The following BANF2 variants were observed in gnomAD, a reference collection of about 807,000 sequenced individuals.
BANF2 encodes barrier-to-autointegration factor-like protein.
In BANF2, 4 loss-of-function variants were observed where a neutral mutation model predicts 8.0. The observed-to-expected ratio is 0.50, with a 90% CI of 0.25 to 1.14. The LOEUF (loss-of-function observed/expected upper bound fraction) is 1.14, where lower values mean the gene tolerates loss of function less well. Among genes scored for constraint, BANF2 ranks in the 50% most tolerant of loss-of-function variants. The pLI, the probability that BANF2 is intolerant of heterozygous loss-of-function variation, is 0.16. For missense variants in BANF2, 96 were observed against 107.5 expected, an observed-to-expected ratio of 0.89 and a Z score of 0.47; for synonymous variants, 50 against 40.6, an observed-to-expected ratio of 1.23 and a Z score of -0.88.
chr20:17,702,643 T>C (rs2037426269), intron 1 of BANF2, among the ~76,000 whole-genome samples: 1 of 152,150 alleles, frequency 6.6e-6, no homozygotes, highest in Non-Finnish European at 1.5e-5. Context: ...TGTGGATAAT[T>C]TGGACCCACT....
intron 1 of BANF2, among the ~76,000 whole-genome samples, chr20:17,704,613 C>A (rs2037455450): frequency 6.6e-6 from 1 of 152,262 alleles, no homozygotes; most frequent in Non-Finnish European, 1.5e-5. Context: ...CTCCCAAGCA[C>A]TTCTCATGCA....
chr20:17,703,995 G>A (rs1201427807), intron 1 of BANF2, among the ~76,000 whole-genome samples: 3 of 152,164 alleles, frequency 2.0e-5, no homozygotes, highest in East Asian at 1.9e-4. Context: ...CCTCTGCCTC[G>A]GCCTCACAAA....
upstream of BANF2, among the ~76,000 whole-genome samples, chr20:17,697,532 T>C (rs2037356249): frequency 6.6e-6 from 1 of 152,236 alleles, no homozygotes; most frequent in Non-Finnish European, 1.5e-5. Context: ...TCCATCTAAA[T>C]GTGAACTTAC....
chr20:17,715,021 A>G (rs1404078167), intron 1 of BANF2, among the ~76,000 whole-genome samples: 1 of 152,246 alleles, frequency 6.6e-6, no homozygotes, highest in Non-Finnish European at 1.5e-5. Flanking sequence ...AGGAACCAGA[A>G]GGATGAGGTC....
intron 1 of BANF2, among the ~76,000 whole-genome samples, chr20:17,711,910 G>A (rs903368979): frequency 3.9e-5 from 6 of 152,214 alleles, no homozygotes; most frequent in East Asian, 1.9e-4. Context: ...TCTCCAGGCC[G>A]TGTTAGAGAG....
intron 1 of BANF2, among the ~76,000 whole-genome samples, chr20:17,713,423 G>T (rs1403414731): frequency 6.6e-6 from 1 of 152,272 alleles, no homozygotes; most frequent in South Asian, 2.1e-4. Flanking sequence ...AATGGTGTTT[G>T]TCAGGGGCTA....
chr20:17,698,827 A>G (rs956653496), upstream of BANF2, among the ~76,000 whole-genome samples: 24 of 152,240 alleles, frequency 1.6e-4, no homozygotes, highest in Non-Finnish European at 3.1e-4. Context: ...GTGCTGGTTG[A>G]ACCCAGAGAG....
intron 3 of BANF2, among the ~76,000 whole-genome samples, chr20:17,731,981 G>A (rs1224635400): frequency 6.6e-6 from 1 of 151,482 alleles, no homozygotes; most frequent in Non-Finnish European, 1.5e-5. Flanking sequence ...CAGGAGAATC[G>A]CTTGAACCTG....
intron 1 of BANF2, among the ~76,000 whole-genome samples, chr20:17,700,852 A>G (rs964952808): frequency 2.0e-5 from 3 of 152,184 alleles, no homozygotes; most frequent in African/African-American, 7.2e-5. Flanking sequence ...CTTCCCTACC[A>G]TGGCCCATTC....
At chr20:17,716,934 G>A (rs541048588) in intron 1 of BANF2, among the ~76,000 whole-genome samples, 1 of 151,712 alleles carries the variant, frequency 6.6e-6, no homozygotes, top group South Asian at 2.1e-4. Context: ...GGCTGGTCTT[G>A]AACTCCTGGG....
chr20:17,700,426 A>T (rs1312565370), intron 1 of BANF2, among the ~76,000 whole-genome samples: 1 of 152,222 alleles, frequency 6.6e-6, no homozygotes, highest in Non-Finnish European at 1.5e-5. Flanking sequence ...GGTCAGGGAC[A>T]GCCATTGGCC....
intron 1 of BANF2, among the ~76,000 whole-genome samples, chr20:17,694,022 C>G (rs923313916): frequency 9.9e-5 from 15 of 152,218 alleles, no homozygotes; most frequent in Non-Finnish European, 1.3e-4. Flanking sequence ...CACAGTCTCT[C>G]CTTGTTGCGA....
At chr20:17,716,629 C>T (rs1267287296) in intron 1 of BANF2, among the ~76,000 whole-genome samples, 3 of 151,020 alleles carry the variant, frequency 2.0e-5, no homozygotes, top group Admixed American at 6.6e-5. Flanking sequence ...TTTGGGAGGC[C>T]GAGGAGGGTG....
In BANF2 at chr20:17,694,599, C is replaced by CTTTTTTTTTTTTTT. The variant is rs1256251082; in HGVS notation, c.18+894_18+895insTTTTTTTTTTTTTT. The stretch of plus-strand genomic sequence containing the variant: ...AGGGGGCTATTTTTGTTTTTTCTCT[C>CTTTTTTTTTTTTTT]TCTTTTTTTTTTTTTTTTTTTTTTT... On this transcript the variant is annotated intron_variant, in intron 1 of 2. Transcript: ENST00000545418. 4.7e-4 allele frequency among the ~76,000 whole-genome samples: 39 copies of CTTTTTTTTTTTTTT among 82,778 alleles called. 2 individuals are homozygous for CTTTTTTTTTTTTTT. The highest frequency in any genetic ancestry group is 1.0e-3 in the East Asian group (2 of 1,968). The allele number at this position is 82,778 out of a possible 152,430, so 54.3% of individuals were successfully genotyped here. A position where few individuals can be genotyped will look rare whatever the true frequency, so the allele number is the denominator to read the frequency against.
At chr20:17,730,739 G>A (rs1215180327) in intron 3 of BANF2, among the ~76,000 whole-genome samples, 1 of 152,198 alleles carries the variant, frequency 6.6e-6, no homozygotes, top group African/African-American at 2.4e-5. Context: ...CCACAGCGAA[G>A]CCTCTGAAGG....
intron 1 of BANF2, among the ~76,000 whole-genome samples, chr20:17,706,232 G>A (rs1394541419): frequency 4.6e-5 from 7 of 152,162 alleles, no homozygotes; most frequent in Admixed American, 2.0e-4. Flanking sequence ...GAGATTGTGG[G>A]TCAGGGCTGG....
chr20:17,700,070 C>T lies in BANF2; in HGVS notation c.-167+15C>T, dbSNP rs1600209667. ...AGGAGCACCTGGTGAGTATTCAGAA[C>T]TTTCCCAAGCAGCATGGAAGGAGAT... On this transcript the variant is annotated intron_variant, in intron 1 of 3. Coordinates refer to ENST00000246090, the MANE Select transcript of BANF2 (RefSeq NM_178477.5). The T allele has an allele frequency of 1.1e-6, 1 of 927,010 alleles. No individual in the cohort carries two copies. The highest frequency in any genetic ancestry group is 1.3e-6 in the Non-Finnish European group (1 of 776,614). 57.4% of individuals were successfully genotyped at this position (927,010 alleles called of 1,614,324 possible). A position where few individuals can be genotyped will look rare whatever the true frequency, so the allele number is the denominator to read the frequency against.
chr20:17,722,013 G>A (rs2037737568), intron 1 of BANF2, among the ~76,000 whole-genome samples: 1 of 152,232 alleles, frequency 6.6e-6, no homozygotes, highest in Non-Finnish European at 1.5e-5. Flanking sequence ...TCTCCCAGGT[G>A]TGACAACTCA....
upstream of BANF2, among the ~76,000 whole-genome samples, chr20:17,695,563 G>C (rs2037340140): frequency 6.7e-6 from 1 of 149,104 alleles, no homozygotes; most frequent in Non-Finnish European, 1.5e-5. Context: ...GCACATTTTA[G>C]TGTATTCTTT....
Sources: gnomAD v4.1 joint callset for allele counts (sites outside exome capture counted in the v4.1 genomes callset) on GRCh38, gnomAD v4.1.1 for gene constraint, MANE v1.5 for transcripts, NCBI Gene and HGNC (gene_info 2026-07-23, HGNC 2026-07-21) for gene names.